The following OSBP2 variants were observed in gnomAD, a reference collection of about 807,000 sequenced individuals.
OSBP2 encodes oxysterol binding protein 2.
OSBP2 carries 66 observed loss-of-function variants against 96.0 expected under a neutral mutation model. The ratio of observed to expected loss-of-function variants is 0.69; its 90% CI spans 0.56 to 0.84. The LOEUF (loss-of-function observed/expected upper bound fraction) is 0.84. Among genes scored for constraint, OSBP2 ranks in the 40% least tolerant of loss-of-function variants. The pLI, the probability that OSBP2 is intolerant of heterozygous loss-of-function variation, is 0.00. For synonymous variants in OSBP2, 525 were observed against 520.9 expected, an observed-to-expected ratio of 1.01 and a Z score of -0.11; for missense variants, 1,038 against 1,222.7, an observed-to-expected ratio of 0.85 and a Z score of 2.25.
In OSBP2 at chr22:30,880,169, G is replaced by A. The variant is rs1175416830; in HGVS notation, c.1108-7257G>A. ...GTTCAGGGAGACCCTGACTCTCTGC[G>A]ATCTCACCGCTCATCACCTTCAGAA... is the stretch of plus-strand genomic sequence containing the variant. On this transcript the variant is annotated intron_variant, in intron 3 of 13. Coordinates refer to ENST00000332585, the MANE Select transcript of OSBP2 (RefSeq NM_030758.4). 2.6e-5 allele frequency among the ~76,000 whole-genome samples: 4 copies of A among 152,208 alleles called. No individual in the cohort carries two copies. In the East Asian group the frequency reaches 7.7e-4, roughly 29 times the overall value.
intron 2 of OSBP2, among the ~76,000 whole-genome samples, chr22:30,787,235 A>T (rs2090603558): frequency 6.6e-6 from 1 of 152,202 alleles, no homozygotes; most frequent in Non-Finnish European, 1.5e-5. Context: ...TGGGGAGGCC[A>T]CAGGAAACTT....
chr22:30,827,912 A>G (rs796698621), intron 2 of OSBP2, among the ~76,000 whole-genome samples: 4 of 152,320 alleles, frequency 2.6e-5, no homozygotes, highest in African/African-American at 9.6e-5. Context: ...AGGAAGAGAG[A>G]TGACTTTTTC....
chr22:30,735,914 T>C (rs2089847486), intron 1 of OSBP2, among the ~76,000 whole-genome samples: 1 of 149,948 alleles, frequency 6.7e-6, no homozygotes, highest in African/African-American at 2.5e-5. Context: ...AAAAAATTAT[T>C]ATTTATTTAT....
chr22:30,734,055 A>G lies in OSBP2; in HGVS notation c.645-7106A>G, dbSNP rs575892475. Among the ~76,000 whole-genome samples the G allele has an allele frequency of 5.3e-5, 8 of 152,218 alleles. No individual in the cohort carries two copies. In the East Asian group the frequency reaches 9.7e-4, roughly 18 times the overall value. ...AGTGGTGTGATCTCCATTCACTGCA[A>G]CCATCACCTCTTGGGTTCAAACGAC... On this transcript the variant is annotated intron_variant, in intron 1 of 13. Coordinates refer to ENST00000332585, the MANE Select transcript of OSBP2 (RefSeq NM_030758.4).
intron 2 of OSBP2, among the ~76,000 whole-genome samples, chr22:30,820,448 C>G (rs2038250151): frequency 6.6e-6 from 1 of 151,652 alleles, no homozygotes; most frequent in Admixed American, 6.6e-5. Context: ...CTATTCCAGA[C>G]CCCCCGCCAC....
chr22:30,889,713 T>C, intron 7 of OSBP2, 77 bp downstream of exon 7: 1 of 1,356,416 alleles, frequency 7.4e-7, no homozygotes. Flanking sequence ...AGTAATGGCC[T>C]GTGTGAAGTA....
At chr22:30,809,523 C>A (rs1444754641) in intron 2 of OSBP2, among the ~76,000 whole-genome samples, 1 of 152,186 alleles carries the variant, frequency 6.6e-6, no homozygotes, top group Admixed American at 6.5e-5. Context: ...CAGGCTATCT[C>A]AGGCCCCGTG....
At chr22:30,717,323 A>G (rs2089479034) in intron 1 of OSBP2, among the ~76,000 whole-genome samples, 1 of 152,160 alleles carries the variant, frequency 6.6e-6, no homozygotes, top group South Asian at 2.1e-4. Flanking sequence ...TCTTTTGCAC[A>G]AGGACATCCA....
intron 2 of OSBP2, among the ~76,000 whole-genome samples, chr22:30,862,074 C>A (rs1364113131): frequency 1.3e-5 from 2 of 152,236 alleles, no homozygotes; most frequent in Admixed American, 6.5e-5. Flanking sequence ...TCCTGTGTGA[C>A]CCCTCCTGTG....
intron 2 of OSBP2, chr22:30,764,116 G>C (rs2090240442): frequency 1.4e-5 from 5 of 346,796 alleles, no homozygotes; most frequent in Non-Finnish European, 2.0e-5. Flanking sequence ...CACTTCTGGG[G>C]GGCTAGCCTA....
rs2089426951 is a variant in OSBP2, at chr22:30,715,120, C to T, written c.644+19567C>T. Among the ~76,000 whole-genome samples, 3 of 151,626 alleles carry T rather than the reference C, an allele frequency of 2.0e-5. No individual in the cohort carries two copies. The South Asian group carries it at 6.2e-4, about 32-fold the overall frequency. On this transcript the variant is annotated intron_variant, in intron 1 of 13. Coordinates refer to ENST00000332585, the MANE Select transcript of OSBP2 (RefSeq NM_030758.4). ...CTATGTTGCTCAGGTTAGCCTGGAA[C>T]TCCTGGGCTCAAGGAATCCTCTCTC...
intron 1 of OSBP2, among the ~76,000 whole-genome samples, chr22:30,712,409 T>C (rs1393751032): frequency 6.6e-6 from 1 of 152,198 alleles, no homozygotes; most frequent in Non-Finnish European, 1.5e-5. Flanking sequence ...TGTGTATTTG[T>C]TGGTTCTGGG....
intron 1 of OSBP2, among the ~76,000 whole-genome samples, chr22:30,727,183 A>G (rs1420193054): frequency 6.6e-6 from 1 of 152,156 alleles, no homozygotes; most frequent in Admixed American, 6.6e-5. Flanking sequence ...AGTCCTCAGG[A>G]TGTGGTAGTT....
In OSBP2 at chr22:30,890,363, CCA is replaced by C. The variant is rs1395677805; in HGVS notation, c.1624-362_1624-361del. ...CATGGGGAAGACCCACTTCCTCCACCCACAGACTCATGTGCCCATTCAGTCAC... is the reference window on the plus strand; with the variant it reads ...CATGGGGAAGACCCACTTCCTCCACCCAGACTCATGTGCCCATTCAGTCAC... On this transcript the variant is annotated intron_variant, in intron 7 of 13. Transcript: ENST00000332585. This position sits in a 1 kb window ranked among gnomAD's most constrained non-coding sequence, Gnocchi z 4.4. Among the ~76,000 whole-genome samples, 1 of 152,144 alleles carries C rather than the reference CCA, an allele frequency of 6.6e-6. No homozygotes were observed. Among genetic ancestry groups the C allele is most frequent in the African/African-American group, 2.4e-5 (1 of 41,422 alleles).
chr22:30,796,540 C>G (rs1279147797), intron 2 of OSBP2, among the ~76,000 whole-genome samples: 1 of 152,036 alleles, frequency 6.6e-6, no homozygotes, highest in Non-Finnish European at 1.5e-5. Context: ...GGTTCTTACT[C>G]TGTCGCCCAG....
chr22:30,856,618 C>A (rs1348956535), intron 2 of OSBP2, among the ~76,000 whole-genome samples: 1 of 151,730 alleles, frequency 6.6e-6, no homozygotes, highest in Non-Finnish European at 1.5e-5. Flanking sequence ...AACTCCTGAC[C>A]TCAAGTGATC....
In OSBP2 at chr22:30,906,279, G is replaced by A. The variant is rs1202601822; in HGVS notation, c.2691G>A (p.Lys897=). ...PLTGEMACVY[K]GGYWEAKEKQ... is the part of the protein sequence containing the mutation. ...CCGGGGAGATGGCCTGTGTGTACAA[G>A]GGCGGCTACTGGGAGGCCAAGGAGA... Residue 897 remains lysine (K), a synonymous_variant, in exon 14 of 14, where the codon AAG becomes AAA. Transcript: ENST00000332585. 1 of 1,613,952 alleles carries A rather than the reference G, an allele frequency of 6.2e-7. No individual in the cohort carries two copies. Among genetic ancestry groups the A allele is most frequent in the Non-Finnish European group, 8.5e-7 (1 of 1,179,950 alleles).
At chr22:30,887,198 C>T (rs537533062) in intron 3 of OSBP2, among the ~76,000 whole-genome samples, 1 of 152,214 alleles carries the variant, frequency 6.6e-6, no homozygotes, top group Non-Finnish European at 1.5e-5. Context: ...GGGTTTTGGC[C>T]GGCTCCTTTA....
At chr22:30,862,666 T>A (rs1200859364) in intron 2 of OSBP2, among the ~76,000 whole-genome samples, 1 of 148,506 alleles carries the variant, frequency 6.7e-6, no homozygotes, top group Non-Finnish European at 1.5e-5. Context: ...GGTGAGAGAG[T>A]GAGATTCCAT....
Sources: gnomAD v4.1 joint callset for allele counts (sites outside exome capture counted in the v4.1 genomes callset) on GRCh38, gnomAD v4.1.1 for gene constraint, Gnocchi (gnomAD v3.1) non-coding constraint, MANE v1.5 for transcripts, NCBI Gene and HGNC (gene_info 2026-07-23, HGNC 2026-07-21) for gene names.